The following CABCOCO1 variants were observed in gnomAD, a reference collection of about 807,000 sequenced individuals.
CABCOCO1 encodes ciliary-associated calcium-binding coiled-coil protein 1.
Under a neutral mutation model 35.7 loss-of-function variants are expected in CABCOCO1, and 28 were observed. The observed-to-expected ratio is 0.78, with a 90% CI of 0.58 to 1.07. CABCOCO1 has a LOEUF of 1.07. Among genes scored for constraint, CABCOCO1 ranks in the 50% least tolerant of loss-of-function variants. The pLI, the probability that CABCOCO1 is intolerant of heterozygous loss-of-function variation, is 0.00. For synonymous variants in CABCOCO1, 95 were observed against 100.1 expected, an observed-to-expected ratio of 0.95 and a Z score of 0.30; for missense variants, 326 against 309.2, an observed-to-expected ratio of 1.05 and a Z score of -0.41.
chr10:61,763,240 C>T (rs1842044323), intron 7 of CABCOCO1, among the ~76,000 whole-genome samples: 1 of 151,936 alleles, frequency 6.6e-6, no homozygotes. Context: ...TTCAAAATTC[C>T]TTTTCTATGT....
At chr10:61,677,688 C>T (rs911573326) in intron 2 of CABCOCO1, among the ~76,000 whole-genome samples, 1 of 152,060 alleles carries the variant, frequency 6.6e-6, no homozygotes, top group Non-Finnish European at 1.5e-5. Context: ...AATGCTATCC[C>T]TCCCCACTCC....
intron 5 of CABCOCO1, among the ~76,000 whole-genome samples, chr10:61,725,746 C>T (rs1008146196): frequency 6.6e-6 from 1 of 151,796 alleles, no homozygotes; most frequent in African/African-American, 2.4e-5. Flanking sequence ...TACCTTAGAA[C>T]TTAAAGTATA....
intron 3 of CABCOCO1, among the ~76,000 whole-genome samples, chr10:61,683,719 A>G (rs1370617409): frequency 2.6e-5 from 4 of 152,280 alleles, no homozygotes; most frequent in Middle Eastern, 6.8e-3. Context: ...AGAAGCTTTT[A>G]CTATTTGAGT....
chr10:61,705,686 T>C (rs958545135), intron 5 of CABCOCO1, among the ~76,000 whole-genome samples: 1 of 152,212 alleles, frequency 6.6e-6, no homozygotes, highest in African/African-American at 2.4e-5. Context: ...TTAGTTATCT[T>C]TGTGAAGAGA....
chr10:61,670,774 A>G (rs534495884), intron 1 of CABCOCO1, among the ~76,000 whole-genome samples: 241 of 152,128 alleles, frequency 1.6e-3, no homozygotes, highest in Non-Finnish European at 2.4e-3. Flanking sequence ...TCTATTTCCC[A>G]GTCTCCTCTT....
At chr10:61,706,434 C>T (rs1373378437) in intron 5 of CABCOCO1, among the ~76,000 whole-genome samples, 1 of 152,160 alleles carries the variant, frequency 6.6e-6, no homozygotes, top group African/African-American at 2.4e-5. Context: ...TTAAGATAAA[C>T]TCTTTGGCTG....
At chr10:61,737,943 C>T (rs1050925811) in intron 5 of CABCOCO1, among the ~76,000 whole-genome samples, 2 of 151,772 alleles carry the variant, frequency 1.3e-5, no homozygotes, top group African/African-American at 4.8e-5. Flanking sequence ...CCACATGTAC[C>T]CCCAAACTAA....
intron 5 of CABCOCO1, among the ~76,000 whole-genome samples, chr10:61,744,104 A>G (rs997248038): frequency 1.3e-5 from 2 of 152,300 alleles, no homozygotes; most frequent in African/African-American, 4.8e-5. Flanking sequence ...AAATGATAAT[A>G]TAAATGAGAG....
intron 5 of CABCOCO1, among the ~76,000 whole-genome samples, chr10:61,755,209 T>C (rs892033576): frequency 1.3e-5 from 2 of 152,140 alleles, no homozygotes; most frequent in Non-Finnish European, 2.9e-5. Context: ...AGTATGACAT[T>C]ACTAGAGTTT....
chr10:61,683,612 A>C (rs1293254524), intron 3 of CABCOCO1, among the ~76,000 whole-genome samples: 1 of 152,146 alleles, frequency 6.6e-6, no homozygotes, highest in African/African-American at 2.4e-5. Flanking sequence ...CTAATAATAA[A>C]GGTCAGTTAT....
chr10:61,720,917 CTTTTTTT>C (rs71018996), intron 5 of CABCOCO1, among the ~76,000 whole-genome samples: 30 of 66,016 alleles, frequency 4.5e-4, no homozygotes, highest in African/African-American at 9.8e-4. Flanking sequence ...TCTTTTCATT[CTTTTTTT>C]TTTTTTTTTT....
At chr10:61,743,524 A>T (rs1393797199) in intron 5 of CABCOCO1, among the ~76,000 whole-genome samples, 1 of 152,192 alleles carries the variant, frequency 6.6e-6, no homozygotes, top group Non-Finnish European at 1.5e-5. Flanking sequence ...ACTATCAATC[A>T]GCCGGTCATT....
intron 3 of CABCOCO1, among the ~76,000 whole-genome samples, chr10:61,685,597 G>C (rs745828640): frequency 6.6e-6 from 1 of 152,138 alleles, no homozygotes; most frequent in Admixed American, 6.5e-5. Context: ...GTCTCACTGT[G>C]TCACCCAGGC....
intron 1 of CABCOCO1, among the ~76,000 whole-genome samples, chr10:61,671,739 CTG>C (rs142089980): frequency 0.033 from 4,985 of 152,212 alleles, 290 homozygotes; most frequent in African/African-American, 0.11. Context: ...TCCTCTGCTC[CTG>C]TCTTTCCTTC....
intron 5 of CABCOCO1, among the ~76,000 whole-genome samples, chr10:61,724,873 A>C (rs1198435555): frequency 6.6e-6 from 1 of 152,210 alleles, no homozygotes; most frequent in Non-Finnish European, 1.5e-5. Flanking sequence ...ATGACGAGTT[A>C]ACAGGTGCAG....
chr10:61,703,227 GACACACACACACAC>G (rs35152499), intron 5 of CABCOCO1, among the ~76,000 whole-genome samples: 37 of 141,588 alleles, frequency 2.6e-4, no homozygotes, highest in African/African-American at 5.5e-4. Context: ...CTTGTGAGGA[GACACACACACACAC>G]ACACACACAC....
rs1490761250 is a variant in CABCOCO1, at chr10:61,719,749, G to A, written c.552+29128G>A. Among the ~76,000 whole-genome samples, 4 of 151,802 alleles carry A rather than the reference G, an allele frequency of 2.6e-5. No homozygotes were observed. In the East Asian group the frequency reaches 5.8e-4, roughly 22 times the overall value. Reference sequence around the variant, plus strand: ...AACCTGGCCAACATGGTGAAACCCCGTCTCTAACAGAAATACAAAAAATTA... The same window carrying A: ...AACCTGGCCAACATGGTGAAACCCCATCTCTAACAGAAATACAAAAAATTA... On this transcript the variant is annotated intron_variant, in intron 5 of 7. Coordinates refer to ENST00000648843, the MANE Select transcript of CABCOCO1 (RefSeq NM_001366906.2).
At chr10:61,723,724 T>C (rs1247457632) in intron 5 of CABCOCO1, among the ~76,000 whole-genome samples, 1 of 152,198 alleles carries the variant, frequency 6.6e-6, no homozygotes, top group African/African-American at 2.4e-5. Context: ...ATAAGGACAC[T>C]AATTCTATCA....
chr10:61,710,788 A>G (rs1197564070), intron 5 of CABCOCO1, among the ~76,000 whole-genome samples: 1 of 151,800 alleles, frequency 6.6e-6, no homozygotes, highest in Non-Finnish European at 1.5e-5. Flanking sequence ...AAAACTCTGA[A>G]TATGAGCATG....
Sources: allele counts gnomAD v4.1 joint callset (sites outside exome capture counted in the v4.1 genomes callset), GRCh38; gene constraint gnomAD v4.1.1; transcripts MANE v1.5; gene names NCBI Gene and HGNC (gene_info 2026-07-23, HGNC 2026-07-21).